The following TGFA variants were observed in gnomAD, a reference collection of about 807,000 sequenced individuals.
The protein encoded by TGFA is transforming growth factor alpha.
Under a neutral mutation model 21.7 loss-of-function variants are expected in TGFA, and 12 were observed. The observed-to-expected ratio is 0.55, with a 90% CI of 0.35 to 0.90. The LOEUF (loss-of-function observed/expected upper bound fraction) is 0.90, where lower values mean the gene tolerates loss of function less well. Ranked by LOEUF, TGFA falls within the 40% of genes least tolerant of loss-of-function variation. The probability of loss-of-function intolerance (pLI) is 0.01; values close to 1 mark genes in which losing one functional copy is unlikely to be tolerated. For missense variants in TGFA, 178 were observed against 210.8 expected, an observed-to-expected ratio of 0.84 and a Z score of 0.96; for synonymous variants, 79 against 88.1, an observed-to-expected ratio of 0.90 and a Z score of 0.58.
intron 2 of TGFA, among the ~76,000 whole-genome samples, chr2:70,504,450 A>ATATATATATATATATG (rs1671844802): frequency 1.3e-4 from 9 of 71,996 alleles, no homozygotes; most frequent in African/African-American, 7.0e-4. Flanking sequence ...ATATATATAT[A>ATATATATATATATATG]TATATATATA....
rs562562172 is a variant in TGFA, at chr2:70,494,661, ATTTTT to A, written c.94+20193_94+20197del. 7.2e-5 allele frequency among the ~76,000 whole-genome samples: 11 copies of A among 152,230 alleles called. No homozygotes were observed. The South Asian group carries it at 2.3e-3, about 32-fold the overall frequency. The stretch of plus-strand genomic sequence containing the variant: ...CTTATCTGCTTTGTACGCAGCTCTT[ATTTTT>A]ATCTTCACTAATTTGACCAATGAAA... On this transcript the variant is annotated intron_variant, in intron 2 of 5. Transcript: ENST00000295400.
intron 1 of TGFA, 65 bp from the exon 2 acceptor site, chr2:70,514,977 T>C (rs1672228105): frequency 2.0e-6 from 3 of 1,504,848 alleles, no homozygotes; most frequent in Non-Finnish European, 2.7e-6. Context: ...CCTCAGACGC[T>C]TAGAGGGCAG....
intron 2 of TGFA, among the ~76,000 whole-genome samples, chr2:70,499,294 C>T (rs968815506): frequency 1.3e-5 from 2 of 152,206 alleles, no homozygotes; most frequent in African/African-American, 4.8e-5. Context: ...AATGTGAGCA[C>T]TGACAAGTAA....
rs975245603 is a variant in TGFA at position 70,490,111 on chromosome 2, C to T, written c.95-24375G>A. Among the ~76,000 whole-genome samples the T allele has an allele frequency of 2.0e-5, 3 of 152,110 alleles. No individual in the cohort carries two copies. The South Asian group carries it at 6.2e-4, about 32-fold the overall frequency. On this transcript the variant is annotated intron_variant, in intron 2 of 5. Coordinates refer to ENST00000295400, the MANE Select transcript of TGFA (RefSeq NM_003236.4). ...TTGAGAACAACTGGTCTAGTATACA[C>T]ACAAATAGATTAAAAGAAAAAATGA...
chr2:70,476,069 G>A (rs116653464), intron 2 of TGFA, among the ~76,000 whole-genome samples: 1,363 of 81,738 alleles, frequency 0.017, 36 homozygotes, highest in African/African-American at 0.063. Flanking sequence ...CTTGGTCTTA[G>A]TAATTTTAAG....
At chr2:70,505,750 A>G (rs958593526) in intron 2 of TGFA, among the ~76,000 whole-genome samples, 1 of 152,172 alleles carries the variant, frequency 6.6e-6, no homozygotes, top group Non-Finnish European at 1.5e-5. Flanking sequence ...GAGGCCCTCC[A>G]TTCTGCTTCA....
chr2:70,533,291 G>T (rs1672871695), intron 1 of TGFA, among the ~76,000 whole-genome samples: 1 of 152,158 alleles, frequency 6.6e-6, no homozygotes. Flanking sequence ...CAAAGGGACT[G>T]CTCTGTTATA....
At chr2:70,481,285 C>G (rs1421377797) in intron 2 of TGFA, among the ~76,000 whole-genome samples, 1 of 152,164 alleles carries the variant, frequency 6.6e-6, no homozygotes, top group African/African-American at 2.4e-5. Flanking sequence ...CTCAGGGGCT[C>G]AGTCTCTAAG....
chr2:70,452,653 G>T (rs555611320), intron 5 of TGFA, among the ~76,000 whole-genome samples: 1 of 152,106 alleles, frequency 6.6e-6, no homozygotes, highest in Non-Finnish European at 1.5e-5. Context: ...TAAGAAAACC[G>T]AGGGTAAGCC....
chr2:70,478,879 T>C (rs1435942939), intron 2 of TGFA, among the ~76,000 whole-genome samples: 1 of 152,204 alleles, frequency 6.6e-6, no homozygotes, highest in Non-Finnish European at 1.5e-5. Context: ...TAAATACTCT[T>C]TTTAATTTGT....
intron 1 of TGFA, among the ~76,000 whole-genome samples, chr2:70,519,147 G>T (rs1280951563): frequency 1.3e-5 from 2 of 152,146 alleles, no homozygotes; most frequent in Admixed American, 6.5e-5. Context: ...GGGAGTGTGG[G>T]TATTCAGAGG....
intron 1 of TGFA, among the ~76,000 whole-genome samples, chr2:70,543,325 T>G (rs1315379189): frequency 2.0e-5 from 3 of 151,074 alleles, no homozygotes; most frequent in Non-Finnish European, 4.4e-5. Context: ...TCCAGGAGTT[T>G]GAGACCAGCC....
At chr2:70,512,611 T>C (rs1324804312) in intron 2 of TGFA, among the ~76,000 whole-genome samples, 3 of 152,234 alleles carry the variant, frequency 2.0e-5, no homozygotes, top group Non-Finnish European at 4.4e-5. Flanking sequence ...ACAGAGGTTG[T>C]TCACGACTGC....
intron 2 of TGFA, among the ~76,000 whole-genome samples, chr2:70,491,477 A>AG (rs1671433289): frequency 6.6e-6 from 1 of 152,258 alleles, no homozygotes; most frequent in Admixed American, 6.5e-5. Context: ...GCTCCACCAA[A>AG]GCCCACCTGT....
intron 1 of TGFA, among the ~76,000 whole-genome samples, chr2:70,534,733 T>G (rs1672921363): frequency 6.6e-6 from 1 of 152,214 alleles, no homozygotes; most frequent in African/African-American, 2.4e-5. Flanking sequence ...AGGGCAGTAT[T>G]TCTTTTTAAC....
chr2:70,514,647 C>T (rs1197639794), intron 2 of TGFA, among the ~76,000 whole-genome samples: 2 of 152,088 alleles, frequency 1.3e-5, no homozygotes, highest in Admixed American at 6.5e-5. Context: ...GGGGAGGCCC[C>T]TGAGGGGGCC....
rs1165502308 is a variant in TGFA, at chr2:70,447,783, G to A, written c.*3076C>T. 1 of 152,190 alleles carries A rather than the reference G, an allele frequency of 6.6e-6. No individual in the cohort carries two copies. Among genetic ancestry groups the A allele is most frequent in the Non-Finnish European group, 1.5e-5 (1 of 68,044 alleles). The allele number at this position is 152,190 out of a possible 1,614,324, so 9.4% of individuals were successfully genotyped here. On this transcript the variant is annotated 3_prime_UTR_variant, in exon 6 of 6. Transcript: ENST00000295400. ...AATGTGTTCTTGGTTTTGGGCATTT[G>A]AGTCATTCCTCCTTCTGTGACTGGG...
chr2:70,552,354 C>G (rs1442635781), intron 1 of TGFA, among the ~76,000 whole-genome samples: 1 of 152,202 alleles, frequency 6.6e-6, no homozygotes, highest in Non-Finnish European at 1.5e-5. Flanking sequence ...CTACTTACTA[C>G]TATTATTTGC....
chr2:70,530,414 A>G (rs11466210), intron 1 of TGFA, among the ~76,000 whole-genome samples: 5,399 of 152,326 alleles, frequency 0.035, 344 homozygotes, highest in African/African-American at 0.12. Context: ...GTGGTGTCCA[A>G]TCTTTTGGCT....
Sources: gnomAD v4.1 joint callset for allele counts (sites outside exome capture counted in the v4.1 genomes callset) on GRCh38, gnomAD v4.1.1 for gene constraint, MANE v1.5 for transcripts, NCBI Gene and HGNC (gene_info 2026-07-23, HGNC 2026-07-21) for gene names.